Variants in PCDH9 observed in about 807,000 individuals in gnomAD.
The protein encoded by PCDH9 is protocadherin 9, also known as protocadherin-9.
PCDH9 carries 24 observed loss-of-function variants against 70.6 expected under a neutral mutation model. The ratio of observed to expected loss-of-function variants is 0.34; its 90% CI spans 0.25 to 0.48. The LOEUF (loss-of-function observed/expected upper bound fraction) is 0.48, where lower values mean the gene tolerates loss of function less well. Among genes scored for constraint, PCDH9 ranks in the 20% least tolerant of loss-of-function variants. The probability of loss-of-function intolerance (pLI) is 0.99; values close to 1 mark genes in which losing one functional copy is unlikely to be tolerated. For missense variants in PCDH9, 1,281 were observed against 1,503.6 expected, an observed-to-expected ratio of 0.85 and a Z score of 2.45; for synonymous variants, 562 against 558.5, an observed-to-expected ratio of 1.01 and a Z score of -0.09.
At chr13:66,413,476 G>A (rs1350169464) in intron 4 of PCDH9, among the ~76,000 whole-genome samples, 1 of 152,066 alleles carries the variant, frequency 6.6e-6, no homozygotes, top group Admixed American at 6.6e-5. Context: ...CATGAGGTCA[G>A]GAGATCGAGA....
intron 2 of PCDH9, among the ~76,000 whole-genome samples, chr13:66,963,079 A>G (rs891322188): frequency 1.3e-5 from 2 of 152,084 alleles, no homozygotes; most frequent in African/African-American, 4.8e-5. Context: ...CTCAGTTCAC[A>G]ACAGGGTTTG....
At chr13:66,878,269 C>T (rs1161690216) in intron 3 of PCDH9, among the ~76,000 whole-genome samples, 1 of 151,698 alleles carries the variant, frequency 6.6e-6, no homozygotes, top group Non-Finnish European at 1.5e-5. Flanking sequence ...TTCTGTCGCC[C>T]AGGCTGGAGT....
At chr13:66,958,949 T>G (rs574621788) in intron 2 of PCDH9, among the ~76,000 whole-genome samples, 2 of 152,358 alleles carry the variant, frequency 1.3e-5, no homozygotes, top group South Asian at 4.1e-4. Context: ...CTTTGAAAAC[T>G]TGCTGTTGTT....
At chr13:66,387,504 G>A (rs1295938949) in intron 4 of PCDH9, among the ~76,000 whole-genome samples, 2 of 146,346 alleles carry the variant, frequency 1.4e-5, no homozygotes, top group African/African-American at 5.1e-5. Context: ...TCATCACATT[G>A]AGTAAATTCT....
At chr13:66,953,525 G>A (rs2083218580) in intron 2 of PCDH9, among the ~76,000 whole-genome samples, 1 of 152,194 alleles carries the variant, frequency 6.6e-6, no homozygotes. Flanking sequence ...GAATTCTAGT[G>A]TACAGTCTTA....
chr13:66,810,963 T>C (rs1042323715), intron 3 of PCDH9, among the ~76,000 whole-genome samples: 1 of 152,076 alleles, frequency 6.6e-6, no homozygotes, highest in Non-Finnish European at 1.5e-5. Context: ...TTTCATGATA[T>C]TCATCACTGG....
At chr13:66,316,723 T>C (rs1039865199) in intron 4 of PCDH9, among the ~76,000 whole-genome samples, 1 of 152,092 alleles carries the variant, frequency 6.6e-6, no homozygotes, top group Non-Finnish European at 1.5e-5. Context: ...ATTTTTATCC[T>C]CTTATCTTTT....
Position 66,733,498 on chromosome 13 carries a change from G to C in PCDH9, c.3139-102087C>G, listed in dbSNP as rs114798673. 4.6e-3 allele frequency among the ~76,000 whole-genome samples: 699 copies of C among 152,204 alleles called. 4 individuals carry two copies. Among genetic ancestry groups the C allele is most frequent in the African/African-American group, 0.015 (630 of 41,556 alleles). On this transcript the variant is annotated intron_variant, in intron 3 of 4. Transcript: ENST00000377865. ...CAAGAATTCATTCCCTAGTTTGGCAGGTATAAGCTGTAGAATATACGTTCA... is the reference window on the plus strand; with the variant it reads ...CAAGAATTCATTCCCTAGTTTGGCACGTATAAGCTGTAGAATATACGTTCA...
At chr13:66,868,617 A>G (rs1333368899) in intron 3 of PCDH9, among the ~76,000 whole-genome samples, 1 of 152,262 alleles carries the variant, frequency 6.6e-6, no homozygotes, top group African/African-American at 2.4e-5. Context: ...CATCACAGAC[A>G]TGAGCGCATA....
At chr13:67,004,068 T>C (rs375434285) in intron 2 of PCDH9, among the ~76,000 whole-genome samples, 3 of 152,168 alleles carry the variant, frequency 2.0e-5, no homozygotes, top group Admixed American at 1.3e-4. Flanking sequence ...AACATCCCTA[T>C]TATGTAGTGT....
At chr13:66,696,679 G>A (rs1593909897) in intron 3 of PCDH9, among the ~76,000 whole-genome samples, 1 of 151,194 alleles carries the variant, frequency 6.6e-6, no homozygotes, top group African/African-American at 2.4e-5. Context: ...GCACTCAAAT[G>A]TTTGTAGTCA....
chr13:66,448,795 A>G (rs978387806), intron 4 of PCDH9, among the ~76,000 whole-genome samples: 1 of 151,842 alleles, frequency 6.6e-6, no homozygotes, highest in African/African-American at 2.4e-5. Context: ...TGAATTTCAA[A>G]TAAGTTTTTG....
At chr13:66,713,655 T>TATATATATATATATATATATATATATATA (rs1474635736) in intron 3 of PCDH9, among the ~76,000 whole-genome samples, 1 of 63,628 alleles carries the variant, frequency 1.6e-5, no homozygotes, top group African/African-American at 6.1e-5. Flanking sequence ...ATATATATAA[T>TATATATATATATATATATATATATATATA]GTACACACAC....
intron 3 of PCDH9, among the ~76,000 whole-genome samples, chr13:66,873,451 G>T (rs1805917734): frequency 6.6e-6 from 1 of 152,050 alleles, no homozygotes; most frequent in Non-Finnish European, 1.5e-5. Flanking sequence ...CATTACCAAG[G>T]ACGAGAAGCT....
chr13:66,929,135 C>G (rs1264957295), intron 2 of PCDH9, among the ~76,000 whole-genome samples: 6 of 151,824 alleles, frequency 4.0e-5, no homozygotes, highest in Admixed American at 2.6e-4. Context: ...AAATTATACA[C>G]AAAAACATAG....
At chr13:66,393,662 C>A (rs143547821) in intron 4 of PCDH9, among the ~76,000 whole-genome samples, 531 of 152,168 alleles carry the variant, frequency 3.5e-3, no homozygotes, top group Middle Eastern at 6.8e-3. Context: ...ACAAGAAGCC[C>A]AGAAATAAAT....
At chr13:66,502,648 G>C (rs200543656) in intron 4 of PCDH9, among the ~76,000 whole-genome samples, 17 of 151,998 alleles carry the variant, frequency 1.1e-4, no homozygotes, top group Admixed American at 5.3e-4. Context: ...TGAAATAGCA[G>C]TTAATGAAGA....
At chr13:66,677,582 A>G (rs1280573527) in intron 3 of PCDH9, among the ~76,000 whole-genome samples, 1 of 151,968 alleles carries the variant, frequency 6.6e-6, no homozygotes, top group Non-Finnish European at 1.5e-5. Flanking sequence ...GCAAAATCTG[A>G]TCATTTAAAA....
intron 4 of PCDH9, among the ~76,000 whole-genome samples, chr13:66,391,809 AAAAT>A (rs1415993196): frequency 5.3e-5 from 8 of 151,662 alleles, no homozygotes; most frequent in Non-Finnish European, 8.8e-5. Context: ...CAGGTGGCCC[AAAAT>A]AAATCTAATG....
Sources: gnomAD v4.1 joint callset for allele counts (sites outside exome capture counted in the v4.1 genomes callset) on GRCh38, gnomAD v4.1.1 for gene constraint, MANE v1.5 for transcripts, NCBI Gene and HGNC (gene_info 2026-07-23, HGNC 2026-07-21) for gene names.